NIPSNAP3A: variants seen among roughly 807,000 people sequenced by gnomAD.
NIPSNAP3A encodes the protein nipsnap homolog 3A.
A neutral mutation model predicts 32.3 loss-of-function variants in NIPSNAP3A; 27 were observed. The ratio of observed to expected loss-of-function variants is 0.84; its 90% confidence interval spans 0.62 to 1.15. NIPSNAP3A has a LOEUF of 1.15. Among genes scored for constraint, NIPSNAP3A ranks in the 50% most tolerant of loss-of-function variants. NIPSNAP3A has a pLI of 0.00. For missense variants in NIPSNAP3A, 278 were observed against 297.2 expected (o/e 0.94, Z 0.48); for synonymous variants, 108 against 107.3 (o/e 1.01, Z -0.04).
chr9:104,752,924 C>G lies in NIPSNAP3A; in HGVS notation c.290C>G (p.Thr97Ser). The G allele has an allele frequency of 6.2e-6, 10 of 1,613,094 alleles. No individual in the cohort carries two copies. The highest frequency in any genetic ancestry group is 8.5e-6 in the Non-Finnish European group (10 of 1,179,196). The change falls in exon 3 of 6, where the codon ACT becomes AGT. Residue 97 changes from threonine (T) to serine (S), a missense_variant. Coordinates refer to ENST00000374767, the MANE Select transcript of NIPSNAP3A (RefSeq NM_015469.3). The part of the protein sequence containing the change: ...IWKYDNFAHR[T>S]EVRKALAKDK... ...CCCACAGATAATTTTGCTCATCGAA[C>G]TGAAGTTCGGAAAGCCTTGGCCAAA...
At chr9:104,754,299 G>C in intron 3 of NIPSNAP3A, 1 of 353,082 alleles carries the variant, frequency 2.8e-6, no homozygotes, top group Non-Finnish European at 5.1e-6. Flanking sequence ...TCAGATAATA[G>C]TTATAATAGC....
At chr9:104,748,988 C>T (rs569142541) in intron 1 of NIPSNAP3A, among the ~76,000 whole-genome samples, 1 of 152,284 alleles carries the variant, frequency 6.6e-6, no homozygotes, top group South Asian at 2.1e-4. Context: ...ATACCCGGCT[C>T]CCCTGCAGTC....
chr9:104,748,665 C>G (rs1479611249), intron 1 of NIPSNAP3A, among the ~76,000 whole-genome samples: 1 of 152,144 alleles, frequency 6.6e-6, no homozygotes, highest in African/African-American at 2.4e-5. Context: ...ATTAACCTGT[C>G]CTAGAGACAG....
At chr9:104,747,976 C>T in intron 1 of NIPSNAP3A, 124 bp downstream of exon 1, 2 of 948,388 alleles carry the variant, frequency 2.1e-6, no homozygotes, top group South Asian at 1.7e-5. Context: ...GACCTGGGGC[C>T]CCGGTGAGGT....
At position 104,754,511 on chromosome 9, in the gene NIPSNAP3A, T is replaced by C. The variant is rs755616193; in HGVS notation, c.431-40T>C. The C allele has an allele frequency of 1.9e-6, 3 of 1,594,940 alleles. No individual in the cohort carries two copies. The South Asian group carries it at 3.3e-5, about 18-fold the overall frequency. On this transcript the variant is annotated intron_variant, in intron 3 of 5. Transcript: ENST00000374767. ...ACTGAGAAACGTGATTGGATATTGC[T>C]TGAATGTTTTCTGAAAAATTCTTTT...
intron 4 of NIPSNAP3A, among the ~76,000 whole-genome samples, chr9:104,758,449 A>G (rs1356766325): frequency 6.6e-6 from 1 of 152,126 alleles, no homozygotes; most frequent in African/African-American, 2.4e-5. Flanking sequence ...AAATCAAGGG[A>G]AAATATAGTA....
intron 2 of NIPSNAP3A, 150 bp downstream of exon 2, chr9:104,751,316 CAA>C (rs1827846045): frequency 2.7e-6 from 2 of 746,206 alleles, no homozygotes; most frequent in Non-Finnish European, 4.6e-6. Context: ...AAAGCAATAC[CAA>C]AAAAATAAAT....
chr9:104,753,048 A>G lies in NIPSNAP3A; in HGVS notation c.414A>G (p.Glu138=). The part of the protein sequence containing the change: ...ITYLVPWCKL[E]KPPKEGVYEL... ...ATCTGGTACCATGGTGCAAATTAGA[A>G]AAACCTCCAAAAGAAGGTAAGTCCT... Residue 138 remains glutamate, a synonymous_variant, in exon 3 of 6, where the codon GAA becomes GAG. Transcript: ENST00000374767. The G allele has an allele frequency of 6.2e-7, 1 of 1,613,556 alleles. No individual in the cohort carries two copies. Among genetic ancestry groups the G allele is most frequent in the South Asian group, 1.1e-5 (1 of 91,068 alleles).
chr9:104,752,330 T>G (rs985730924), intron 2 of NIPSNAP3A, among the ~76,000 whole-genome samples: 1 of 152,112 alleles, frequency 6.6e-6, no homozygotes, highest in Non-Finnish European at 1.5e-5. Context: ...AAAAGTACGG[T>G]TTAACTTCAC....
chr9:104,747,956 C>T, intron 1 of NIPSNAP3A, 104 bp downstream of exon 1: 1 of 1,169,296 alleles, frequency 8.6e-7, no homozygotes, highest in Non-Finnish European at 1.2e-6. Flanking sequence ...CTCTCCGCCA[C>T]GCGCGCCCAG....
intron 2 of NIPSNAP3A, among the ~76,000 whole-genome samples, chr9:104,752,014 T>C (rs1467774140): frequency 6.6e-6 from 1 of 152,184 alleles, no homozygotes; most frequent in Non-Finnish European, 1.5e-5. Context: ...ATACATTTTA[T>C]GCTTTAGATG....
rs576638573 is a variant in NIPSNAP3A at position 104,755,296 on chromosome 9, TTTTTCCTCTGAATGTACTTTTATTGA to T, written c.580+601_580+626del. 7.2e-5 allele frequency among the ~76,000 whole-genome samples: 11 copies of T among 152,186 alleles called. No individual in the cohort carries two copies. The East Asian group carries it at 2.1e-3, about 29-fold the overall frequency. On this transcript the variant is annotated intron_variant, in intron 4 of 5. Coordinates refer to ENST00000374767, the MANE Select transcript of NIPSNAP3A (RefSeq NM_015469.3). ...AATAGTCTGTTACTTTCATCATTTC[TTTTTCCTCTGAATGTACTTTTATTGA>T]TTTTTTAAAAATAATATTATTTGGG...
intron 1 of NIPSNAP3A, among the ~76,000 whole-genome samples, chr9:104,749,332 G>A (rs961127145): frequency 1.6e-4 from 24 of 152,148 alleles, no homozygotes; most frequent in Non-Finnish European, 2.9e-5. Flanking sequence ...GGTAGGCTTA[G>A]TCATTTGAGC....
chr9:104,747,987 T>G lies in NIPSNAP3A; in HGVS notation c.60+135T>G, dbSNP rs918032977. ...CCCAGACCTGGGGCCCCGGTGAGGT[T>G]CTAGCGTGAGCCCCGGAACCCCAAG... On this transcript the variant is annotated intron_variant, in intron 1 of 5. Transcript: ENST00000374767. 4.0e-6 allele frequency: 3 copies of G among 745,318 alleles called. No homozygotes were observed. In the African/African-American group the frequency reaches 5.7e-5, roughly 14 times the overall value. 46.2% of individuals were successfully genotyped at this position (745,318 alleles called of 1,614,324 possible).
rs757214913 is a variant in NIPSNAP3A, at chr9:104,754,587, G to A, written c.467G>A (p.Gly156Asp). The change falls in exon 4 of 6, where the codon GGT becomes GAT. Residue 156 changes from glycine (G) to aspartate (D), a missense_variant. Gly to Asp is a moderately conservative substitution (Grantham distance 94, BLOSUM62 -1). Coordinates refer to ENST00000374767, the MANE Select transcript of NIPSNAP3A (RefSeq NM_015469.3). ...YELATFQMKP[G>D]GPALWGDAFK... ...CTGGCCACTTTTCAGATGAAACCTGGTGGGCCAGCTCTGTGGGGTGATGCA... is the reference window on the plus strand; with the variant it reads ...CTGGCCACTTTTCAGATGAAACCTGATGGGCCAGCTCTGTGGGGTGATGCA... The A allele has an allele frequency of 1.9e-5, 31 of 1,614,048 alleles. No homozygotes were observed. The highest frequency in any genetic ancestry group is 3.3e-4 in the Middle Eastern group (2 of 6,042).
At chr9:104,757,932 A>G (rs1827924922) in intron 4 of NIPSNAP3A, among the ~76,000 whole-genome samples, 1 of 151,896 alleles carries the variant, frequency 6.6e-6, no homozygotes, top group African/African-American at 2.4e-5. Flanking sequence ...AAATACATAT[A>G]TACACAAATA....
At chr9:104,751,884 C>CA (rs1827852383) in intron 2 of NIPSNAP3A, among the ~76,000 whole-genome samples, 1 of 152,104 alleles carries the variant, frequency 6.6e-6, no homozygotes, top group African/African-American at 2.4e-5. Context: ...CAAGAATGCC[C>CA]AGAATGCTTG....
In NIPSNAP3A at chr9:104,759,568, T is replaced by C; in HGVS notation, c.*230T>C. 1 of 514,220 alleles carries C rather than the reference T, an allele frequency of 1.9e-6. No homozygotes were observed. The highest frequency in any genetic ancestry group is 3.5e-5 in the East Asian group (1 of 28,738). 31.9% of individuals were successfully genotyped at this position (514,220 alleles called of 1,614,324 possible). ...AGTGTCTGTCATACATTAAAAATAC[T>C]TGTCACTGTTTTAAGATCTTGACTC... On this transcript the variant is annotated 3_prime_UTR_variant, in exon 6 of 6. Transcript: ENST00000374767.
At chr9:104,749,242 C>G (rs1028276297) in intron 1 of NIPSNAP3A, among the ~76,000 whole-genome samples, 2 of 151,994 alleles carry the variant, frequency 1.3e-5, no homozygotes, top group African/African-American at 2.4e-5. Context: ...GCTTCTTGAC[C>G]AACATTGTTA....
Sources: gnomAD v4.1 joint callset for allele counts (sites outside exome capture counted in the v4.1 genomes callset) on GRCh38, gnomAD v4.1.1 for gene constraint, MANE v1.5 for transcripts, NCBI Gene and HGNC (gene_info 2026-07-23, HGNC 2026-07-21) for gene names.